The following RBFOX1 variants were observed in gnomAD, a reference collection of about 807,000 sequenced individuals.
RBFOX1 encodes the protein RNA binding protein fox-1 homolog 1.
In RBFOX1, 8 loss-of-function variants were observed where a neutral mutation model predicts 57.7. That is an observed-to-expected ratio of 0.14 (90% CI 0.08 to 0.25). The LOEUF (loss-of-function observed/expected upper bound fraction) is 0.25, where lower values mean the gene tolerates loss of function less well. Ranked by LOEUF, RBFOX1 falls within the 10% of genes least tolerant of loss-of-function variation. The probability of loss-of-function intolerance (pLI) is 1.00; values close to 1 mark genes in which losing one functional copy is unlikely to be tolerated. For synonymous variants in RBFOX1, 326 were observed against 222.4 expected, an observed-to-expected ratio of 1.47 and a Z score of -4.15; for missense variants, 611 against 548.5, an observed-to-expected ratio of 1.11 and a Z score of -1.14.
chr16:5,464,507 G>T (rs779233691), intron 1 of RBFOX1, among the ~76,000 whole-genome samples: 14 of 152,236 alleles, frequency 9.2e-5, no homozygotes, highest in African/African-American at 3.1e-4. Context: ...GGGAACCCAG[G>T]CACTGAGGAG....
chr16:7,084,771 T>G (rs141474030), intron 4 of RBFOX1, among the ~76,000 whole-genome samples: 3 of 152,326 alleles, frequency 2.0e-5, no homozygotes, highest in African/African-American at 4.8e-5. Flanking sequence ...GAATGTAAAA[T>G]GTACACACAA....
chr16:7,215,346 C>G (rs982933839), intron 4 of RBFOX1, among the ~76,000 whole-genome samples: 4 of 152,192 alleles, frequency 2.6e-5, no homozygotes, highest in African/African-American at 7.2e-5. Context: ...ATAAATCATT[C>G]TTCTATAAAG....
At chr16:5,574,017 G>A (rs1248492769) in intron 2 of RBFOX1, among the ~76,000 whole-genome samples, 1 of 152,218 alleles carries the variant, frequency 6.6e-6, no homozygotes, top group East Asian at 1.9e-4. Context: ...TCTTGTTTAT[G>A]TTTAGCTTCA....
chr16:7,052,597 C>G (rs901364755), intron 4 of RBFOX1, among the ~76,000 whole-genome samples: 6 of 152,004 alleles, frequency 3.9e-5, no homozygotes, highest in African/African-American at 1.4e-4. Flanking sequence ...GAGAGGGAGA[C>G]AAAATTTTAA....
At chr16:5,762,966 A>T (rs1235972344) in intron 3 of RBFOX1, among the ~76,000 whole-genome samples, 1 of 152,180 alleles carries the variant, frequency 6.6e-6, no homozygotes, top group Non-Finnish European at 1.5e-5. Flanking sequence ...TGACACTGTG[A>T]ATGATTTTTT....
chr16:6,241,348 A>G (rs146340169), intron 1 of RBFOX1, among the ~76,000 whole-genome samples: 1 of 152,330 alleles, frequency 6.6e-6, no homozygotes, highest in East Asian at 1.9e-4. Context: ...AAAATGTGGA[A>G]GATGAAACAT....
At chr16:6,647,587 C>G (rs2098544203) in intron 2 of RBFOX1, among the ~76,000 whole-genome samples, 1 of 152,154 alleles carries the variant, frequency 6.6e-6, no homozygotes. Context: ...ACCTTAATCA[C>G]TTCCTTAGAG....
chr16:5,990,847 G>T (rs571295742), intron 4 of RBFOX1, among the ~76,000 whole-genome samples: 1 of 152,090 alleles, frequency 6.6e-6, no homozygotes, highest in Non-Finnish European at 1.5e-5. Flanking sequence ...GGTGGTGCAC[G>T]CCTGTAGTCC....
chr16:6,640,673 T>C (rs9922927), intron 2 of RBFOX1, among the ~76,000 whole-genome samples: 44,529 of 151,988 alleles, frequency 0.29, 6,774 homozygotes, highest in Admixed American at 0.32. Flanking sequence ...GTAGGTACAT[T>C]GGGGTATATC....
chr16:6,856,426 C>T (rs949897776), intron 3 of RBFOX1, among the ~76,000 whole-genome samples: 9 of 152,086 alleles, frequency 5.9e-5, no homozygotes, highest in African/African-American at 2.2e-4. Context: ...CAATCCTGAT[C>T]CCACTCAGGA....
At chr16:7,546,383 A>T (rs955325932) in intron 5 of RBFOX1, among the ~76,000 whole-genome samples, 2 of 137,106 alleles carry the variant, frequency 1.5e-5, no homozygotes, top group African/African-American at 2.8e-5. Context: ...TAAAATAATA[A>T]AATAAAATTG....
intron 4 of RBFOX1, among the ~76,000 whole-genome samples, chr16:5,904,833 CG>C (rs2058408977): frequency 6.6e-6 from 1 of 151,244 alleles, no homozygotes; most frequent in East Asian, 2.0e-4. Context: ...AAAAGTTAAC[CG>C]GGCATGGTGG....
rs748665113 is a variant in RBFOX1, at chr16:7,354,572, C to G, written c.28-163575C>G. Reference sequence around the variant, plus strand: ...TCTAAACTCAGCTTTTCAAAGGCCACCAATGTGAAATGCTTAGGATTTCAT... The same window carrying G: ...TCTAAACTCAGCTTTTCAAAGGCCAGCAATGTGAAATGCTTAGGATTTCAT... On this transcript the variant is annotated intron_variant, in intron 4 of 15. Coordinates refer to ENST00000550418, the MANE Select transcript of RBFOX1 (RefSeq NM_018723.4). 2.2e-4 allele frequency among the ~76,000 whole-genome samples: 33 copies of G among 152,280 alleles called. 1 individual carries two copies. Among genetic ancestry groups the G allele is most frequent in the Non-Finnish European group, 4.4e-4 (30 of 68,024 alleles).
chr16:7,364,430 G>A (rs547431418), intron 4 of RBFOX1, among the ~76,000 whole-genome samples: 11 of 152,018 alleles, frequency 7.2e-5, no homozygotes, highest in South Asian at 2.1e-4. Context: ...TTTTTTGTGC[G>A]TGTTTAACAT....
chr16:6,468,903 C>A (rs908495971), intron 2 of RBFOX1, among the ~76,000 whole-genome samples: 1 of 152,006 alleles, frequency 6.6e-6, no homozygotes, highest in Non-Finnish European at 1.5e-5. Flanking sequence ...AAGCCTAGTA[C>A]CTACCCACTA....
chr16:7,466,346 T>C (rs369840176), intron 4 of RBFOX1, among the ~76,000 whole-genome samples: 3,136 of 151,816 alleles, frequency 0.021, 53 homozygotes, highest in Middle Eastern at 0.048. Flanking sequence ...AATGCTTATT[T>C]CATGCCAAGC....
intron 6 of RBFOX1, among the ~76,000 whole-genome samples, chr16:7,585,404 G>A (rs1507007): frequency 0.23 from 34,512 of 152,106 alleles, 4,274 homozygotes; most frequent in Non-Finnish European, 0.28. Context: ...TAAGCTGCAC[G>A]TTTGTTGGCG....
chr16:6,015,875 G>T (rs750294516), upstream of RBFOX1, among the ~76,000 whole-genome samples: 52 of 152,190 alleles, frequency 3.4e-4, no homozygotes, highest in Non-Finnish European at 6.2e-4. Context: ...TATGCTATTG[G>T]ACTGTACGCT....
intron 3 of RBFOX1, among the ~76,000 whole-genome samples, chr16:7,041,390 G>A (rs1181494230): frequency 6.6e-6 from 1 of 152,090 alleles, no homozygotes; most frequent in Non-Finnish European, 1.5e-5. Context: ...TGGCTCTTAG[G>A]AGAAAAAGTT....
Sources: gnomAD v4.1 joint callset for allele counts (sites outside exome capture counted in the v4.1 genomes callset) on GRCh38, gnomAD v4.1.1 for gene constraint, MANE v1.5 for transcripts, NCBI Gene and HGNC (gene_info 2026-07-23, HGNC 2026-07-21) for gene names.